Variants in NUDCD1 observed in about 807,000 individuals in gnomAD.
The protein encoded by NUDCD1 is nudC domain-containing protein 1.
NUDCD1 carries 60 observed loss-of-function variants against 67.8 expected under a neutral mutation model. The observed-to-expected ratio is 0.88, with a 90% CI of 0.72 to 1.10. The LOEUF (loss-of-function observed/expected upper bound fraction) is 1.10, where lower values mean the gene tolerates loss of function less well. Ranked by LOEUF, NUDCD1 falls within the 50% of genes least tolerant of loss-of-function variation. The pLI, the probability that NUDCD1 is intolerant of heterozygous loss-of-function variation, is 0.00. For missense variants in NUDCD1, 643 were observed against 695.0 expected, an observed-to-expected ratio of 0.93 and a Z score of 0.84; for synonymous variants, 244 against 230.8, an observed-to-expected ratio of 1.06 and a Z score of -0.52.
chr8:109,324,226 A>G (rs1347129006), intron 1 of NUDCD1, among the ~76,000 whole-genome samples: 1 of 151,974 alleles, frequency 6.6e-6, no homozygotes, highest in Non-Finnish European at 1.5e-5. Flanking sequence ...GTCCCATTAT[A>G]AAGAGGGCAA....
intron 2 of NUDCD1, among the ~76,000 whole-genome samples, chr8:109,313,016 C>T (rs1280768680): frequency 5.3e-5 from 8 of 152,142 alleles, no homozygotes; most frequent in Non-Finnish European, 1.0e-4. Context: ...TTAAGATACC[C>T]ATTACATAAA....
chr8:109,310,275 C>T lies in NUDCD1; in HGVS notation c.273+12034G>A, dbSNP rs1406705429. 3.3e-5 allele frequency among the ~76,000 whole-genome samples: 5 copies of T among 152,008 alleles called. No homozygotes were observed. In the East Asian group the frequency reaches 9.6e-4, roughly 29 times the overall value. ...GGTTACTGGTATAAAAATAGGCACA[C>T]AGACCAATGGAAAAAAAAAGAGAAT... On this transcript the variant is annotated intron_variant, in intron 2 of 9. Coordinates refer to ENST00000239690, the MANE Select transcript of NUDCD1 (RefSeq NM_032869.4).
At chr8:109,251,361 C>T (rs545485272) in intron 8 of NUDCD1, among the ~76,000 whole-genome samples, 35 of 151,730 alleles carry the variant, frequency 2.3e-4, no homozygotes, top group African/African-American at 7.0e-4. Flanking sequence ...TTAGTAGAGA[C>T]GGGGTTTCAC....
chr8:109,333,158 A>T (rs550291328), intron 1 of NUDCD1, among the ~76,000 whole-genome samples: 1 of 152,368 alleles, frequency 6.6e-6, no homozygotes, highest in Admixed American at 6.5e-5. Flanking sequence ...TGTTATTATA[A>T]TTAACTGTAG....
chr8:109,266,715 T>C (rs77553229), intron 8 of NUDCD1, among the ~76,000 whole-genome samples: 1,570 of 152,292 alleles, frequency 0.01, 37 homozygotes, highest in African/African-American at 0.036. Flanking sequence ...AAATAATTCA[T>C]CTTCAATTCT....
intron 8 of NUDCD1, among the ~76,000 whole-genome samples, chr8:109,251,168 C>CTTTTTTTTTTT (rs1161896743): frequency 2.2e-5 from 3 of 134,796 alleles, no homozygotes; most frequent in Non-Finnish European, 1.6e-5. Context: ...TCATCTATTT[C>CTTTTTTTTTTT]TTTTTTTTTT....
intron 2 of NUDCD1, among the ~76,000 whole-genome samples, chr8:109,305,163 TG>T (rs1220486224): frequency 6.6e-6 from 1 of 152,178 alleles, no homozygotes. Context: ...CTTGGGAATT[TG>T]TCTCTGCCCC....
chr8:109,276,733 G>C (rs1054950130), intron 6 of NUDCD1, among the ~76,000 whole-genome samples: 1 of 152,054 alleles, frequency 6.6e-6, no homozygotes, highest in Non-Finnish European at 1.5e-5. Context: ...CTCTCTTACT[G>C]CAACCTCCAA....
intron 4 of NUDCD1, among the ~76,000 whole-genome samples, chr8:109,291,330 A>C (rs562622698): frequency 2.0e-5 from 3 of 152,278 alleles, no homozygotes; most frequent in South Asian, 4.1e-4. Flanking sequence ...ATTTTTGTAG[A>C]GACGGTGGCT....
At chr8:109,295,165 T>A (rs114173565) in intron 3 of NUDCD1, among the ~76,000 whole-genome samples, 1 of 152,104 alleles carries the variant, frequency 6.6e-6, no homozygotes, top group African/African-American at 2.4e-5. Context: ...AAAAGAAGTA[T>A]AAGCCCATAT....
intron 1 of NUDCD1, among the ~76,000 whole-genome samples, chr8:109,326,854 A>T (rs1815692573): frequency 6.6e-6 from 1 of 152,218 alleles, no homozygotes; most frequent in South Asian, 2.1e-4. Flanking sequence ...GGGCACAAAC[A>T]GTGAATAAAA....
At chr8:109,298,070 T>A (rs1255811976) in intron 2 of NUDCD1, among the ~76,000 whole-genome samples, 1 of 152,112 alleles carries the variant, frequency 6.6e-6, no homozygotes, top group Non-Finnish European at 1.5e-5. Flanking sequence ...ACAGCACCTT[T>A]CCTTCCTTTC....
intron 8 of NUDCD1, among the ~76,000 whole-genome samples, chr8:109,247,148 G>T (rs2980590): frequency 0.36 from 54,791 of 151,890 alleles, 10,703 homozygotes; most frequent in South Asian, 0.5. Flanking sequence ...CTACCTAACT[G>T]GCCTTTTATT....
At chr8:109,325,018 A>G (rs1815642501) in intron 1 of NUDCD1, among the ~76,000 whole-genome samples, 1 of 152,198 alleles carries the variant, frequency 6.6e-6, no homozygotes, top group Admixed American at 6.5e-5. Flanking sequence ...TGAACCCAGG[A>G]GGCAGAGGTT....
chr8:109,278,165 A>G (rs976899710), intron 6 of NUDCD1, among the ~76,000 whole-genome samples: 11 of 152,168 alleles, frequency 7.2e-5, no homozygotes, highest in Admixed American at 6.5e-4. Context: ...ACCATTTCTC[A>G]TTTCTGACCA....
At chr8:109,313,819 G>C in intron 2 of NUDCD1, 1 of 1,068,174 alleles carries the variant, frequency 9.4e-7, no homozygotes, top group Non-Finnish European at 1.3e-6. Context: ...GACGGAGGTT[G>C]CTAGAAGTCT....
rs151254727 is a variant in NUDCD1, at chr8:109,301,901, C to T, written c.274-5332G>A. Reference sequence around the variant, plus strand: ...ACACTCCATTGGTGTCTGATCACTGCGGGGATGCCTGCCTTGGTCATTCAC... The same window carrying T: ...ACACTCCATTGGTGTCTGATCACTGTGGGGATGCCTGCCTTGGTCATTCAC... On this transcript the variant is annotated intron_variant, in intron 2 of 9. Transcript: ENST00000239690. Among the ~76,000 whole-genome samples, 20 of 152,338 alleles carry T rather than the reference C, an allele frequency of 1.3e-4. 1 individual carries two copies. In the South Asian group the frequency reaches 2.5e-3, roughly 19 times the overall value.
intron 8 of NUDCD1, among the ~76,000 whole-genome samples, chr8:109,247,924 C>T (rs1813535371): frequency 7.7e-6 from 1 of 129,390 alleles, no homozygotes; most frequent in Admixed American, 8.5e-5. Flanking sequence ...TCCCTTGGAA[C>T]CTGTGAATAA....
chr8:109,303,417 G>A (rs1316588494), intron 2 of NUDCD1, among the ~76,000 whole-genome samples: 1 of 152,130 alleles, frequency 6.6e-6, no homozygotes, highest in Admixed American at 6.5e-5. Flanking sequence ...TTCTTTTCAA[G>A]GTCCTGTTTC....
Sources: gnomAD v4.1 joint callset for allele counts (sites outside exome capture counted in the v4.1 genomes callset) on GRCh38, gnomAD v4.1.1 for gene constraint, MANE v1.5 for transcripts, NCBI Gene and HGNC (gene_info 2026-07-23, HGNC 2026-07-21) for gene names.